FKBP5: variants seen among roughly 807,000 people sequenced by gnomAD.
FKBP5 encodes the protein peptidyl-prolyl cis-trans isomerase FKBP5.
FKBP5 carries 23 observed loss-of-function variants against 50.5 expected under a neutral mutation model. The ratio of observed to expected loss-of-function variants is 0.46; its 90% confidence interval spans 0.33 to 0.65. The LOEUF (loss-of-function observed/expected upper bound fraction) is 0.65. FKBP5 is among the 30% of genes least tolerant of loss of function. FKBP5 has a pLI of 0.02. For missense variants in FKBP5, 411 were observed against 553.1 expected (o/e 0.74, Z 2.58); for synonymous variants, 176 against 190.6 (o/e 0.92, Z 0.63).
Position 35,595,903 on chromosome 6 carries a change from C to T in FKBP5, c.665+1345G>A, listed in dbSNP as rs116470649. On this transcript the variant is annotated intron_variant, in intron 6 of 10. Transcript: ENST00000357266. ...AGAGTAAATATTAATATAAATAAGA[C>T]ACATTGAAGTGGGGGCTATAGTTAG... is the stretch of plus-strand genomic sequence containing the variant. Among the ~76,000 whole-genome samples the T allele has an allele frequency of 3.7e-3, 562 of 152,094 alleles. 7 individuals are homozygous for T. Among genetic ancestry groups the T allele is most frequent in the African/African-American group, 0.012 (512 of 41,476 alleles).
At chr6:35,677,061 T>TTTGTTTTGTTTTGTTGTG (rs1432468962) in intron 1 of FKBP5, among the ~76,000 whole-genome samples, 1 of 152,112 alleles carries the variant, frequency 6.6e-6, no homozygotes, top group East Asian at 1.9e-4. Flanking sequence ...AAGGTGGATT[T>TTTGTTTTGTTTTGTTGTG]TTGTTTTGTT....
intron 1 of FKBP5, among the ~76,000 whole-genome samples, chr6:35,646,098 AG>A (rs1764621869): frequency 6.6e-6 from 1 of 152,354 alleles, no homozygotes; most frequent in South Asian, 2.1e-4. Context: ...CCTGGGTGAC[AG>A]AGCAAGACTC....
intron 5 of FKBP5, among the ~76,000 whole-genome samples, chr6:35,603,262 T>G (rs1240703465): frequency 6.6e-6 from 1 of 152,226 alleles, no homozygotes; most frequent in Non-Finnish European, 1.5e-5. Context: ...TATTTTCCTG[T>G]GCCTAGTGGT....
intron 1 of FKBP5, among the ~76,000 whole-genome samples, chr6:35,655,214 G>C (rs1335527214): frequency 1.3e-5 from 2 of 152,152 alleles, no homozygotes; most frequent in African/African-American, 4.8e-5. Context: ...TGAAGGATAA[G>C]TAGGAGCCAT....
chr6:35,713,692 C>T (rs1766457781), intron 2 of FKBP5, among the ~76,000 whole-genome samples: 1 of 152,180 alleles, frequency 6.6e-6, no homozygotes, highest in Non-Finnish European at 1.5e-5. Flanking sequence ...GACTTAAATG[C>T]TCAATTTGCA....
intron 3 of FKBP5, among the ~76,000 whole-genome samples, chr6:35,623,317 G>A (rs1408840920): frequency 6.6e-6 from 1 of 152,228 alleles, no homozygotes; most frequent in East Asian, 1.9e-4. Flanking sequence ...CACATAATAT[G>A]TATTTGATAA....
At chr6:35,606,890 T>C (rs757185551) in intron 5 of FKBP5, among the ~76,000 whole-genome samples, 1 of 152,128 alleles carries the variant, frequency 6.6e-6, no homozygotes, top group Non-Finnish European at 1.5e-5. Context: ...AATCGTTCTA[T>C]CAGAAAGATA....
intron 9 of FKBP5, among the ~76,000 whole-genome samples, chr6:35,579,552 T>C (rs945007604): frequency 6.6e-6 from 1 of 152,058 alleles, no homozygotes. Flanking sequence ...AATGTAAAAA[T>C]AAAAAGGCTG....
At chr6:35,600,934 G>A (rs191549320) in intron 5 of FKBP5, among the ~76,000 whole-genome samples, 41 of 152,200 alleles carry the variant, frequency 2.7e-4, no homozygotes, top group African/African-American at 9.6e-4. Flanking sequence ...GAAAAAGATT[G>A]GCTACTAATA....
intron 1 of FKBP5, among the ~76,000 whole-genome samples, chr6:35,643,137 T>G (rs1398957660): frequency 6.6e-6 from 1 of 152,144 alleles, no homozygotes; most frequent in Non-Finnish European, 1.5e-5. Flanking sequence ...TGAGAAGCAG[T>G]CCCTTCACAA....
chr6:35,679,919 A>C (rs1442788451), intron 1 of FKBP5, among the ~76,000 whole-genome samples: 1 of 152,150 alleles, frequency 6.6e-6, no homozygotes, highest in Non-Finnish European at 1.5e-5. Context: ...TTGAAATAAA[A>C]ATATATTAAA....
intron 1 of FKBP5, among the ~76,000 whole-genome samples, chr6:35,669,135 G>A (rs1157106915): frequency 6.6e-6 from 1 of 152,140 alleles, no homozygotes; most frequent in Admixed American, 6.5e-5. Flanking sequence ...TAAATTCAGT[G>A]TATGAAAACA....
At chr6:35,642,690 C>G in intron 2 of FKBP5, 30 bp downstream of exon 2, 1 of 1,564,246 alleles carries the variant, frequency 6.4e-7, no homozygotes, top group Non-Finnish European at 8.8e-7. Context: ...AGCAGGTTTC[C>G]TTGTATGTCA....
In FKBP5 at chr6:35,591,192, T is replaced by C; in HGVS notation, c.694A>G (p.Lys232Glu). The change falls in exon 7 of 11, where the codon AAA (lysine) becomes GAA (glutamate). Residue 232 changes from lysine to glutamate, a missense_variant. By Grantham distance (56) the Lys-to-Glu change is moderately conservative. This residue lies in a region of FKBP5 where 267 missense variants were observed against 405.9 expected (regional missense o/e 0.66). Coordinates refer to ENST00000357266, the MANE Select transcript of FKBP5 (RefSeq NM_004117.4). ...RYGFGEAGKP[K>E]FGIEPNAELI... is the part of the protein sequence containing the mutation. ...TCAGCATTAGGTTCAATGCCAAATT[T>C]AGGCTTCCCTGCCTCTCCAAAACCA... 2 of 1,612,988 alleles carry C rather than the reference T, an allele frequency of 1.2e-6. No homozygotes were observed. Among genetic ancestry groups the C allele is most frequent in the Non-Finnish European group, 1.7e-6 (2 of 1,179,406 alleles).
At chr6:35,670,814 G>A (rs956147277) in intron 1 of FKBP5, among the ~76,000 whole-genome samples, 2 of 151,396 alleles carry the variant, frequency 1.3e-5, no homozygotes, top group African/African-American at 4.8e-5. Flanking sequence ...TAGACAACAG[G>A]TATAAAAATA....
intron 1 of FKBP5, among the ~76,000 whole-genome samples, chr6:35,649,834 T>C (rs1220645441): frequency 6.6e-6 from 1 of 152,190 alleles, no homozygotes; most frequent in Non-Finnish European, 1.5e-5. Flanking sequence ...ACAGATCACT[T>C]AGTTCCAGCT....
At chr6:35,585,012 G>A in intron 8 of FKBP5, 2 of 985,318 alleles carry the variant, frequency 2.0e-6, no homozygotes, top group Non-Finnish European at 2.4e-6. Context: ...TATGACAGAT[G>A]GCTTCATAAC....
intron 5 of FKBP5, among the ~76,000 whole-genome samples, chr6:35,612,802 C>G (rs1763530109): frequency 6.6e-6 from 1 of 152,224 alleles, no homozygotes; most frequent in Non-Finnish European, 1.5e-5. Context: ...AAATGCCCCC[C>G]CGATTCAGTT....
chr6:35,693,605 C>T (rs1436485673), upstream of FKBP5, among the ~76,000 whole-genome samples: 4 of 152,024 alleles, frequency 2.6e-5, no homozygotes, highest in South Asian at 2.1e-4. Context: ...CTGCAACCTC[C>T]GCTTCCCAGG....
Sources: allele counts gnomAD v4.1 joint callset (sites outside exome capture counted in the v4.1 genomes callset), GRCh38; gene constraint gnomAD v4.1.1; regional missense constraint gnomAD v4.1.1; transcripts MANE v1.5; gene names NCBI Gene and HGNC (gene_info 2026-07-23, HGNC 2026-07-21).